Variants in PPP6R2 observed in about 807,000 individuals in gnomAD.
PPP6R2 encodes protein phosphatase 6 regulatory subunit 2, also known as serine/threonine-protein phosphatase 6 regulatory subunit 2.
In PPP6R2, 62 loss-of-function variants were observed where a neutral mutation model predicts 100.2. That is an observed-to-expected ratio of 0.62 (90% CI 0.50 to 0.76). The LOEUF (loss-of-function observed/expected upper bound fraction) is 0.76. Among genes scored for constraint, PPP6R2 ranks in the 30% least tolerant of loss-of-function variants. The probability of loss-of-function intolerance (pLI) is 0.00; values close to 1 mark genes in which losing one functional copy is unlikely to be tolerated. For missense variants in PPP6R2, 1,142 were observed against 1,276.3 expected (o/e 0.89, Z 1.60); for synonymous variants, 525 against 514.7 (o/e 1.02, Z -0.27).
At chr22:50,428,534 G>T (rs1193446834) in intron 10 of PPP6R2, among the ~76,000 whole-genome samples, 1 of 152,090 alleles carries the variant, frequency 6.6e-6, no homozygotes, top group East Asian at 1.9e-4. Flanking sequence ...AACATAGTGA[G>T]ACCTGGTCTC....
rs2147192191 is a variant in PPP6R2 at position 50,407,708 on chromosome 22, C to T, written c.414+833C>T. Among the ~76,000 whole-genome samples, 2 of 152,314 alleles carry T rather than the reference C, an allele frequency of 1.3e-5. 1 individual carries two copies. Among genetic ancestry groups the T allele is most frequent in the Admixed American group, 1.3e-4 (2 of 15,298 alleles). On this transcript the variant is annotated intron_variant, in intron 4 of 23. Coordinates refer to ENST00000612753, the MANE Select transcript of PPP6R2 (RefSeq NM_001242898.2). ...TGTGACCTGACCTGGGCTTCTGCCC[C>T]TCCAGGCTGTGGACACACAGGTAGA...
intron 2 of PPP6R2, among the ~76,000 whole-genome samples, chr22:50,381,733 C>G (rs1250276004): frequency 6.6e-6 from 1 of 151,660 alleles, no homozygotes; most frequent in Non-Finnish European, 1.5e-5. Context: ...ACGGTGAAAC[C>G]CCGTCTCTAC....
At chr22:50,337,166 T>C in the PPP6R2 span, among the ~76,000 whole-genome samples, 1 of 148,108 alleles carries the variant, frequency 6.8e-6, no homozygotes, top group African/African-American at 2.5e-5. Context: ...GTGTGCGATG[T>C]GTGGTGTGTG....
chr22:50,398,754 A>G (rs1049876322), intron 3 of PPP6R2, among the ~76,000 whole-genome samples: 2 of 151,978 alleles, frequency 1.3e-5, no homozygotes, highest in Non-Finnish European at 2.9e-5. Flanking sequence ...AGCTCAGGCA[A>G]TCTGCCTGCC....
Position 50,436,371 on chromosome 22 carries a change from C to T in PPP6R2, c.1521C>T (p.Leu507=), listed in dbSNP as rs752555221. The T allele has an allele frequency of 4.4e-5, 70 of 1,573,546 alleles. No homozygotes were observed. The highest frequency in any genetic ancestry group is 6.0e-5 in the Non-Finnish European group (70 of 1,160,256). Reference sequence around the variant, plus strand: ...CAGGCAGCACTTCCCTTGCAGGGCTCCCTGCGGACTGCCGTGGCCGCTGGG... The same window carrying T: ...CAGGCAGCACTTCCCTTGCAGGGCTTCCTGCGGACTGCCGTGGCCGCTGGG... The part of the protein sequence containing the change: ...QTHISEVIRG[L]PADCRGRWES... Residue 507 remains leucine, a synonymous_variant, in exon 14 of 24, where the codon CTC becomes CTT. Transcript: ENST00000612753.
chr22:50,396,118 C>T (rs2056766901), intron 3 of PPP6R2, among the ~76,000 whole-genome samples: 1 of 151,028 alleles, frequency 6.6e-6, no homozygotes, highest in Admixed American at 6.6e-5. Context: ...ATGGCTTGAA[C>T]CCAGGAGGTG....
At chr22:50,367,712 T>C (rs542769892) in intron 1 of PPP6R2, among the ~76,000 whole-genome samples, 1 of 152,312 alleles carries the variant, frequency 6.6e-6, no homozygotes, top group African/African-American at 2.4e-5. Flanking sequence ...ATTTTTTGTT[T>C]TGTGTTGTTT....
chr22:50,420,414 C>G (rs936191396), intron 8 of PPP6R2, among the ~76,000 whole-genome samples: 14 of 152,124 alleles, frequency 9.2e-5, no homozygotes, highest in African/African-American at 2.9e-4. Flanking sequence ...TGCTGAGTCA[C>G]GACAGTGAAT....
intron 2 of PPP6R2, among the ~76,000 whole-genome samples, chr22:50,376,861 A>C (rs2051694435): frequency 6.6e-6 from 1 of 152,064 alleles, no homozygotes; most frequent in Non-Finnish European, 1.5e-5. Flanking sequence ...CCCCGTGTCT[A>C]CTAAAAATAC....
intron 10 of PPP6R2, among the ~76,000 whole-genome samples, chr22:50,430,587 A>G (rs1383996659): frequency 6.6e-6 from 1 of 152,222 alleles, no homozygotes; most frequent in Non-Finnish European, 1.5e-5. Flanking sequence ...CTGAAGGACA[A>G]AAGAAGCCAG....
intron 1 of PPP6R2, among the ~76,000 whole-genome samples, chr22:50,368,582 G>T (rs1194775866): frequency 6.6e-6 from 1 of 152,052 alleles, no homozygotes; most frequent in Non-Finnish European, 1.5e-5. Context: ...TCTATTTCTA[G>T]TATAACTATT....
intron 13 of PPP6R2, among the ~76,000 whole-genome samples, chr22:50,435,849 G>A (rs897149452): frequency 2.0e-5 from 3 of 152,190 alleles, no homozygotes; most frequent in African/African-American, 7.2e-5. Context: ...TTAAGGAGGC[G>A]AGGGGCAAGC....
chr22:50,373,933 C>A (rs769372074), intron 2 of PPP6R2, among the ~76,000 whole-genome samples: 11 of 152,072 alleles, frequency 7.2e-5, no homozygotes, highest in Non-Finnish European at 1.5e-4. Flanking sequence ...GGGGTTTCAC[C>A]ACGTTGGTCA....
rs756454156 is a variant in PPP6R2 at position 50,376,889 on chromosome 22, C to T, written c.-17+4739C>T. 2.6e-3 allele frequency among the ~76,000 whole-genome samples: 389 copies of T among 151,886 alleles called. 1 individual carries two copies. Among genetic ancestry groups the T allele is most frequent in the Non-Finnish European group, 3.3e-3 (223 of 67,922 alleles). ...AAAAATACAAAAAATTAGCCGGGCG[C>T]GGTGGCAGGCGCCTGTAGTCCCAGC... On this transcript the variant is annotated intron_variant, in intron 2 of 23. Coordinates refer to ENST00000612753, the MANE Select transcript of PPP6R2 (RefSeq NM_001242898.2).
upstream of PPP6R2, among the ~76,000 whole-genome samples, chr22:50,339,163 G>GGT (rs1279281080): frequency 6.9e-6 from 1 of 145,100 alleles, no homozygotes; most frequent in African/African-American, 2.6e-5. Flanking sequence ...TGTGGTATGT[G>GGT]GTGTGTGTGG....
chr22:50,398,241 G>A (rs554084779), intron 3 of PPP6R2, among the ~76,000 whole-genome samples: 54 of 149,782 alleles, frequency 3.6e-4, no homozygotes, highest in African/African-American at 9.3e-4. Context: ...GTGCGATCTC[G>A]GTTCACTACA....
intron 6 of PPP6R2, 41 bp downstream of exon 6, chr22:50,416,198 C>A (rs1248180566): frequency 1.3e-6 from 2 of 1,560,018 alleles, no homozygotes; most frequent in Non-Finnish European, 1.8e-6. Flanking sequence ...TCAGTCCAGG[C>A]CTGTGCTGCC....
intron 12 of PPP6R2, among the ~76,000 whole-genome samples, chr22:50,434,498 T>C (rs35783027): frequency 1.6e-4 from 9 of 54,812 alleles, no homozygotes; most frequent in South Asian, 9.8e-4. Context: ...GGGCCGGGCA[T>C]TTGCCCTGGA....
intron 22 of PPP6R2, 49 bp from the exon 23 acceptor site, chr22:50,443,817 G>T (rs1165041603): frequency 6.6e-7 from 1 of 1,526,596 alleles, no homozygotes; most frequent in Non-Finnish European, 8.9e-7. Context: ...AGGCGGGGTG[G>T]CACTGAGGGT....
Sources: allele counts gnomAD v4.1 joint callset (sites outside exome capture counted in the v4.1 genomes callset), GRCh38; gene constraint gnomAD v4.1.1; transcripts MANE v1.5; gene names NCBI Gene and HGNC (gene_info 2026-07-23, HGNC 2026-07-21).